Variants in DMRT2 observed in about 807,000 individuals in gnomAD.
The protein encoded by DMRT2 is doublesex and mab-3 related transcription factor 2, also known as doublesex- and mab-3-related transcription factor 2.
A neutral mutation model predicts 43.5 loss-of-function variants in DMRT2; 33 were observed. That is an observed-to-expected ratio of 0.76 (90% CI 0.58 to 1.01). The LOEUF (loss-of-function observed/expected upper bound fraction) is 1.01. Among genes scored for constraint, DMRT2 ranks in the 50% least tolerant of loss-of-function variants. The pLI, the probability that DMRT2 is intolerant of heterozygous loss-of-function variation, is 0.00. For missense variants in DMRT2, 1,064 were observed against 748.0 expected (o/e 1.42, Z -4.93); for synonymous variants, 395 against 309.2 (o/e 1.28, Z -2.91).
At chr9:1,055,825 A>T (rs752039179) in intron 3 of DMRT2, 1 of 1,519,716 alleles carries the variant, frequency 6.6e-7, no homozygotes, top group Non-Finnish European at 8.8e-7. Context: ...TTAATAATGA[A>T]AAAAGATGAC....
intron 3 of DMRT2, among the ~76,000 whole-genome samples, chr9:1,055,562 T>C (rs1821918812): frequency 6.6e-6 from 1 of 152,010 alleles, no homozygotes; most frequent in Non-Finnish European, 1.5e-5. Flanking sequence ...TTTGTAGTGG[T>C]ATCAGGGGAA....
At chr9:1,052,325 C>T (rs991059823) in intron 2 of DMRT2, among the ~76,000 whole-genome samples, 187 bp downstream of exon 2, 1 of 152,172 alleles carries the variant, frequency 6.6e-6, no homozygotes, top group African/African-American at 2.4e-5. Flanking sequence ...AAGCAGGCAT[C>T]TCTGGGGAAC....
chr9:1,053,384 G>C (rs948746740), intron 2 of DMRT2, among the ~76,000 whole-genome samples: 2 of 152,192 alleles, frequency 1.3e-5, no homozygotes, highest in Non-Finnish European at 2.9e-5. Context: ...TTGAGGTCGG[G>C]TGCCCCCCTG....
At position 1,051,505 on chromosome 9, in the gene DMRT2, C is replaced by T. The variant is rs550378901; in HGVS notation, c.-44-65C>T. ...GGCGGGCAGACCAGGAGCTTTGGGC[C>T]GGAGGCTCAGGGATGGTCCCTGACG... is the stretch of plus-strand genomic sequence containing the variant. On this transcript the variant is annotated intron_variant, in intron 1 of 3. Transcript: ENST00000358146. The surrounding 1 kb of genome is among the most constrained non-coding windows in gnomAD (Gnocchi z 5.9). The T allele has an allele frequency of 1.2e-5, 17 of 1,403,792 alleles. No individual in the cohort carries two copies. The highest frequency in any genetic ancestry group is 6.5e-5 in the Admixed American group (2 of 30,564). 87.0% of individuals were successfully genotyped at this position (1,403,792 alleles called of 1,614,324 possible). A position where few individuals can be genotyped will look rare whatever the true frequency, so the allele number is the denominator to read the frequency against.
chr9:1,052,548 GA>G (rs1040110973), intron 2 of DMRT2, among the ~76,000 whole-genome samples: 10 of 152,076 alleles, frequency 6.6e-5, no homozygotes, highest in African/African-American at 2.4e-4. Flanking sequence ...TGATGATGGA[GA>G]AAAAGAACCA....
In DMRT2 at chr9:1,057,091, A is replaced by G; in HGVS notation, c.1504A>G (p.Lys502Glu). Residue 502 changes from lysine (K) to glutamate (E), a missense_variant, in exon 4 of 4, where the codon AAA becomes GAA. By Grantham distance (56) the Lys-to-Glu change is moderately conservative (BLOSUM62 1). Transcript: ENST00000358146. ...AGAGGCCTTTGAAGAGACCCCTAAG[A>G]AACACAGAGAGTGTTTAGTTAAGGA... ...VKEAFEETPK[K>E]HRECLVKDNQ... is the part of the protein sequence containing the mutation. The G allele has an allele frequency of 2.5e-6, 4 of 1,614,174 alleles. No homozygotes were observed. The highest frequency in any genetic ancestry group is 2.5e-6 in the Non-Finnish European group (3 of 1,180,038).
At chr9:1,056,127 A>G in intron 3 of DMRT2, 89 bp from the exon 4 acceptor site, 1 of 1,521,066 alleles carries the variant, frequency 6.6e-7, no homozygotes, top group Non-Finnish European at 8.8e-7. Flanking sequence ...TGTTCTGCTG[A>G]TCTGTAGTGT....
At position 1,056,197 on chromosome 9, in the gene DMRT2, C is replaced by G; in HGVS notation, c.629-19C>G. ...CGTAGATGTTAATCTCTTTCATGTG[C>G]AATCTTTGCTTCTTGTAGGCTATCG... On this transcript the variant is annotated intron_variant, in intron 3 of 3. Transcript: ENST00000358146. 6.3e-7 allele frequency: 1 copy of G among 1,579,230 alleles called. No individual in the cohort carries two copies.
chr9:1,052,197 G>C (rs958005260), intron 2 of DMRT2, 59 bp downstream of exon 2: 16 of 1,279,724 alleles, frequency 1.3e-5, no homozygotes, highest in Non-Finnish European at 1.3e-5. Context: ...GAGTTGGAGG[G>C]GAGCGGGGCG....
At position 1,052,138 on chromosome 9, in the gene DMRT2, G is replaced by A; in HGVS notation, c.525G>A (p.Glu175=). 1.4e-6 allele frequency: 2 copies of A among 1,389,788 alleles called. No homozygotes were observed. The highest frequency in any genetic ancestry group is 1.9e-6 in the Non-Finnish European group (2 of 1,078,056). 86.1% of individuals were successfully genotyped at this position (1,389,788 alleles called of 1,614,324 possible). A position where few individuals can be genotyped will look rare whatever the true frequency, so the allele number is the denominator to read the frequency against. ...QVALRRQQAT[E]DKKGLSGKQN... The stretch of plus-strand genomic sequence containing the variant: ...CGCTCCGGAGGCAGCAGGCCACCGA[G>A]GTGCGTACCCGCCCGGCCCGGGCGT... The change falls in exon 2 of 4, where the codon GAG becomes GAA. Residue 175 remains glutamate (E), a splice_region_variant and synonymous_variant. Coordinates refer to ENST00000358146, the MANE Select transcript of DMRT2 (RefSeq NM_181872.6).
chr9:1,054,408 CT>C (rs34422902), intron 3 of DMRT2, among the ~76,000 whole-genome samples: 3,153 of 138,070 alleles, frequency 0.023, 74 homozygotes, highest in African/African-American at 0.063. Flanking sequence ...TTTCATTGTA[CT>C]TTTTTTTTTT....
intron 2 of DMRT2, among the ~76,000 whole-genome samples, chr9:1,053,497 G>C (rs906771): frequency 0.5 from 75,291 of 151,824 alleles, 20,470 homozygotes; most frequent in African/African-American, 0.72. Context: ...ACTATGCTGC[G>C]GAAAGCAGGG....
intron 2 of DMRT2, 71 bp downstream of exon 2, chr9:1,052,209 C>A: frequency 8.2e-7 from 1 of 1,220,906 alleles, no homozygotes; most frequent in Non-Finnish European, 1.0e-6. Context: ...AGCGGGGCGG[C>A]CGTCCACACC....
In DMRT2 at chr9:1,051,260, G is replaced by A. The variant is rs1271827204; in HGVS notation, c.-44-310G>A. ...CCTATTTGGACACAATATTTTGTGTGTGTGTGATAAGTGAGTTACCCAGGG... is the reference window on the plus strand; with the variant it reads ...CCTATTTGGACACAATATTTTGTGTATGTGTGATAAGTGAGTTACCCAGGG... On this transcript the variant is annotated intron_variant, in intron 1 of 3. Coordinates refer to ENST00000358146, the MANE Select transcript of DMRT2 (RefSeq NM_181872.6). This position sits in a 1 kb window ranked among gnomAD's most constrained non-coding sequence, Gnocchi z 5.9. 1.3e-5 allele frequency among the ~76,000 whole-genome samples: 2 copies of A among 152,226 alleles called. No individual in the cohort carries two copies. Among genetic ancestry groups the A allele is most frequent in the Non-Finnish European group, 2.9e-5 (2 of 68,038 alleles).
intron 1 of DMRT2, 21 bp downstream of exon 1, chr9:1,050,796 CG>C (rs1317065088): frequency 6.6e-6 from 1 of 152,320 alleles, no homozygotes; most frequent in African/African-American, 2.4e-5. Context: ...TGATGCCGCT[CG>C]GGGTGTCAGG....
rs543802092 is a variant in DMRT2, at chr9:1,056,793, G to A, written c.1206G>A (p.Leu402=). 7.7e-5 allele frequency: 125 copies of A among 1,614,102 alleles called. No homozygotes were observed. The South Asian group carries it at 7.9e-4, about 10-fold the overall frequency. ...TGCCATCGAAATTGGAAGGTTCCCT[G>A]GTGCTGCCTCACACTCCTGAGATCC... The part of the protein sequence containing the change: ...DMMPSKLEGS[L]VLPHTPEIQT... Residue 402 remains leucine, a synonymous_variant, in exon 4 of 4, where the codon CTG becomes CTA. Coordinates refer to ENST00000358146, the MANE Select transcript of DMRT2 (RefSeq NM_181872.6).
rs761716276 is a variant in DMRT2, at chr9:1,057,086, C to T, written c.1499C>T (p.Pro500Leu). ...GTCAAAGAGGCCTTTGAAGAGACCCCTAAGAAACACAGAGAGTGTTTAGTT... is the reference window on the plus strand; with the variant it reads ...GTCAAAGAGGCCTTTGAAGAGACCCTTAAGAAACACAGAGAGTGTTTAGTT... Reference protein sequence around the residue: ...PFVKEAFEETPKKHRECLVKD... With the variant: ...PFVKEAFEETLKKHRECLVKD... Residue 500 changes from proline to leucine, a missense_variant, in exon 4 of 4, where the codon CCT (proline) becomes CTT (leucine). Coordinates refer to ENST00000358146, the MANE Select transcript of DMRT2 (RefSeq NM_181872.6). 7 of 1,613,966 alleles carry T rather than the reference C, an allele frequency of 4.3e-6. No individual in the cohort carries two copies. Among genetic ancestry groups the T allele is most frequent in the Middle Eastern group, 1.6e-4 (1 of 6,084 alleles).
chr9:1,056,031 T>G, intron 3 of DMRT2, 185 bp from the exon 4 acceptor site: 5 of 1,423,996 alleles, frequency 3.5e-6, no homozygotes, highest in Non-Finnish European at 4.6e-6. Flanking sequence ...TATGGATATC[T>G]TTCACCCTCC....
intron 2 of DMRT2, 50 bp from the exon 3 acceptor site, chr9:1,053,672 G>C: frequency 6.7e-7 from 1 of 1,499,610 alleles, no homozygotes; most frequent in Non-Finnish European, 9.2e-7. Context: ...CCCCCTTCTC[G>C]CCCCCATTTT....
Sources: allele counts gnomAD v4.1 joint callset (sites outside exome capture counted in the v4.1 genomes callset), GRCh38; gene constraint gnomAD v4.1.1; non-coding constraint Gnocchi (gnomAD v3.1); transcripts MANE v1.5; gene names NCBI Gene and HGNC (gene_info 2026-07-23, HGNC 2026-07-21).